The following DMD variants were observed in gnomAD, a reference collection of about 807,000 sequenced individuals.
DMD encodes mutant dystrophin.
In DMD, 63 loss-of-function variants were observed where a neutral mutation model predicts 330.1. The ratio of observed to expected loss-of-function variants is 0.19; its 90% CI spans 0.16 to 0.24. The LOEUF (loss-of-function observed/expected upper bound fraction) is 0.24. Among genes scored for constraint, DMD ranks in the 10% least tolerant of loss-of-function variants. The probability of loss-of-function intolerance (pLI) is 1.00; values close to 1 mark genes in which losing one functional copy is unlikely to be tolerated. For synonymous variants in DMD, 1,223 were observed against 959.8 expected (o/e 1.27, Z -5.07); for missense variants, 3,344 against 2,684.1 (o/e 1.25, Z -5.43).
At chrX:32,910,578 GT>G (rs1322994377) in intron 2 of DMD, among the ~76,000 whole-genome samples, 1 of 110,381 alleles carries the variant, frequency 9.1e-6, no homozygotes, top group African/African-American at 3.3e-5. Context: ...GGGATTCCAG[GT>G]GCCCGCCGCC....
intron 12 of DMD, among the ~76,000 whole-genome samples, chrX:32,603,894 C>T (rs1015342289): frequency 3.6e-5 from 4 of 111,167 alleles, no homozygotes; most frequent in African/African-American, 1.3e-4. Context: ...CAGGACCAGA[C>T]GTATTCACAG....
intron 2 of DMD, among the ~76,000 whole-genome samples, chrX:32,887,186 A>G (rs1287148510): frequency 9.2e-6 from 1 of 108,769 alleles, no homozygotes; most frequent in African/African-American, 3.4e-5. Flanking sequence ...TCTCTACTAA[A>G]AATACAAAAA....
At chrX:32,257,687 A>C (rs1401007106) in intron 43 of DMD, among the ~76,000 whole-genome samples, 1 of 111,773 alleles carries the variant, frequency 8.9e-6, no homozygotes, top group East Asian at 2.8e-4. Flanking sequence ...TAAAGACTTA[A>C]ACCTAAAACC....
chrX:32,382,728 T>C (rs1369400881), intron 33 of DMD, among the ~76,000 whole-genome samples: 1 of 110,292 alleles, frequency 9.1e-6, no homozygotes, highest in Non-Finnish European at 1.9e-5. Flanking sequence ...TTTCTATGCA[T>C]ATTTTTCCTA....
At chrX:31,283,798 C>T (rs2147907644) in intron 62 of DMD, among the ~76,000 whole-genome samples, 1 of 111,927 alleles carries the variant, frequency 8.9e-6, no homozygotes, top group East Asian at 2.8e-4. Context: ...CTTTCCAACA[C>T]AATGGCAAGC....
At chrX:32,137,374 T>G (rs1467678281) in intron 44 of DMD, among the ~76,000 whole-genome samples, 1 of 111,798 alleles carries the variant, frequency 8.9e-6, no homozygotes, top group African/African-American at 3.3e-5. Context: ...GAAAAAACTC[T>G]AATAGAAGAA....
At chrX:33,302,851 T>C (rs1185179211) in intron 1 of DMD, among the ~76,000 whole-genome samples, 1 of 111,646 alleles carries the variant, frequency 9.0e-6, no homozygotes, top group Non-Finnish European at 1.9e-5. Context: ...TGGACAAATA[T>C]ATAATGAAAT....
At chrX:33,289,545 G>A (rs1372789848) in intron 1 of DMD, among the ~76,000 whole-genome samples, 3 of 111,363 alleles carry the variant, frequency 2.7e-5, no homozygotes, top group Non-Finnish European at 5.7e-5. Context: ...TCTTTTAGGT[G>A]GTGTTTCAAG....
intron 62 of DMD, among the ~76,000 whole-genome samples, chrX:31,295,381 C>T (rs1271626965): frequency 2.7e-5 from 3 of 110,118 alleles, no homozygotes; most frequent in Non-Finnish European, 5.7e-5. Context: ...AGTATACATA[C>T]CATACGATTC....
chrX:32,400,060 T>G (rs1204528437), intron 30 of DMD, among the ~76,000 whole-genome samples: 1 of 111,476 alleles, frequency 9.0e-6, no homozygotes, highest in African/African-American at 3.3e-5. Context: ...ATGCTTCCGG[T>G]TTTTGCCCAT....
chrX:32,024,183 G>C (rs931610168), intron 44 of DMD, among the ~76,000 whole-genome samples: 1 of 111,959 alleles, frequency 8.9e-6, no homozygotes, highest in Admixed American at 9.5e-5. Flanking sequence ...TGTGTACTTC[G>C]CTTAAAATAT....
At chrX:31,559,399 T>A in intron 55 of DMD, among the ~76,000 whole-genome samples, 1 of 76,172 alleles carries the variant, frequency 1.3e-5, no homozygotes, top group East Asian at 4.6e-4. Flanking sequence ...TCCCAGCACT[T>A]TGGGAGGCCG....
chrX:32,839,730 ATTTTTT>A (rs61327287), intron 4 of DMD, among the ~76,000 whole-genome samples: 7 of 103,905 alleles, frequency 6.7e-5, no homozygotes, highest in Admixed American at 2.1e-4. Context: ...AAGATAATGC[ATTTTTT>A]TTTTTTCACT....
intron 2 of DMD, among the ~76,000 whole-genome samples, chrX:32,921,646 G>A (rs1454320266): frequency 1.8e-5 from 2 of 111,613 alleles, no homozygotes; most frequent in Admixed American, 9.5e-5. Context: ...ATAACTAGGA[G>A]GCTAGCTAAC....
At chrX:33,032,978 G>A (rs2094140664) in intron 1 of DMD, among the ~76,000 whole-genome samples, 1 of 112,133 alleles carries the variant, frequency 8.9e-6, no homozygotes, top group African/African-American at 3.2e-5. Flanking sequence ...AAACTTTGCA[G>A]TCAGTAAAAG....
intron 60 of DMD, among the ~76,000 whole-genome samples, chrX:31,364,244 C>T (rs1427016323): frequency 8.9e-6 from 1 of 112,327 alleles, no homozygotes; most frequent in East Asian, 2.8e-4. Flanking sequence ...AGGACTCAAC[C>T]TGCAACAATA....
At chrX:32,849,907 T>C in intron 2 of DMD, 87 bp from the exon 3 acceptor site, 1 of 723,741 alleles carries the variant, frequency 1.4e-6, no homozygotes. Context: ...AAACTAAAGC[T>C]ATATTTAAGG....
intron 55 of DMD, among the ~76,000 whole-genome samples, chrX:31,626,285 G>A (rs760598202): frequency 2.7e-5 from 3 of 111,120 alleles, no homozygotes; most frequent in Non-Finnish European, 5.7e-5. Context: ...GCATCTGGCC[G>A]GGAAACCCAC....
chrX:32,972,605 G>T (rs2092422567), intron 2 of DMD, among the ~76,000 whole-genome samples: 1 of 112,018 alleles, frequency 8.9e-6, no homozygotes, highest in Non-Finnish European at 1.9e-5. Context: ...CAAAACTGGG[G>T]CTATTTTATT....
Sources: allele counts gnomAD v4.1 joint callset (sites outside exome capture counted in the v4.1 genomes callset), GRCh38; gene constraint gnomAD v4.1.1; transcripts MANE v1.5; gene names NCBI Gene and HGNC (gene_info 2026-07-23, HGNC 2026-07-21).